DIAPH2: variants seen among roughly 807,000 people sequenced by gnomAD.
DIAPH2 encodes the protein protein diaphanous homolog 2.
Under a neutral mutation model 92.7 loss-of-function variants are expected in DIAPH2, and 35 were observed. That is an observed-to-expected ratio of 0.38 (90% CI 0.29 to 0.50). The LOEUF is 0.50. DIAPH2 is among the 20% of genes least tolerant of loss of function. The pLI, the probability that DIAPH2 is intolerant of heterozygous loss-of-function variation, is 0.94. For synonymous variants in DIAPH2, 301 were observed against 280.4 expected, an observed-to-expected ratio of 1.07 and a Z score of -0.73; for missense variants, 701 against 819.5, an observed-to-expected ratio of 0.86 and a Z score of 1.77.
intron 22 of DIAPH2, among the ~76,000 whole-genome samples, chrX:97,173,967 TAGCAGTTA>T: frequency 1.9e-5 from 2 of 107,084 alleles, no homozygotes; most frequent in Middle Eastern, 9.6e-3. Flanking sequence ...GTATCTAAAG[TAGCAGTTA>T]AGCAGTAGAG....
chrX:97,551,595 T>TAA (rs1213709280), intron 26 of DIAPH2, among the ~76,000 whole-genome samples: 1 of 98,880 alleles, frequency 1.0e-5, no homozygotes, highest in Middle Eastern at 5.1e-3. Flanking sequence ...CTCCGTTTTT[T>TAA]AAAAAAAAAA....
intron 17 of DIAPH2, among the ~76,000 whole-genome samples, chrX:97,025,781 A>G (rs999087268): frequency 8.9e-6 from 1 of 112,870 alleles, no homozygotes; most frequent in East Asian, 2.8e-4. Context: ...ATGTGGTAAT[A>G]TTAATTTTTA....
chrX:97,153,844 C>A (rs1241622454), intron 22 of DIAPH2, among the ~76,000 whole-genome samples: 1 of 110,345 alleles, frequency 9.1e-6, no homozygotes, highest in Non-Finnish European at 1.9e-5. Context: ...TTCCAATATC[C>A]TATTTTGTTA....
intron 4 of DIAPH2, among the ~76,000 whole-genome samples, chrX:96,775,389 G>GTGTGTGTGTGTGTT (rs1484767639): frequency 1.9e-5 from 2 of 103,247 alleles, no homozygotes; most frequent in East Asian, 6.4e-4. Flanking sequence ...GTGTGTGTGT[G>GTGTGTGTGTGTGTT]TGTATACTTC....
At chrX:96,915,114 G>A (rs2065494504) in intron 7 of DIAPH2, among the ~76,000 whole-genome samples, 1 of 110,330 alleles carries the variant, frequency 9.1e-6, no homozygotes, top group East Asian at 2.8e-4. Flanking sequence ...TCTGATGTTT[G>A]GATTAATGAT....
chrX:97,538,916 A>G (rs1049181956), intron 26 of DIAPH2, among the ~76,000 whole-genome samples: 6 of 112,430 alleles, frequency 5.3e-5, no homozygotes, highest in Non-Finnish European at 1.1e-4. Flanking sequence ...AGGATTCTGT[A>G]TCTTAATACT....
chrX:96,888,252 G>A (rs1345942489), intron 5 of DIAPH2, among the ~76,000 whole-genome samples: 1 of 108,460 alleles, frequency 9.2e-6, no homozygotes, highest in African/African-American at 3.4e-5. Flanking sequence ...GTAAAGACGG[G>A]GTTTCGCCAT....
intron 22 of DIAPH2, among the ~76,000 whole-genome samples, chrX:97,225,856 T>G (rs146674065): frequency 0.037 from 4,191 of 111,981 alleles, 193 homozygotes; most frequent in African/African-American, 0.13. Flanking sequence ...CAAAAGAGAA[T>G]CTGATGATGA....
chrX:97,117,323 C>A (rs1411047233), intron 21 of DIAPH2, among the ~76,000 whole-genome samples: 1 of 111,590 alleles, frequency 9.0e-6, no homozygotes, highest in African/African-American at 3.3e-5. Context: ...TAGCTTAGTT[C>A]TGTATTATGT....
chrX:97,138,293 C>A (rs769538610), intron 21 of DIAPH2, among the ~76,000 whole-genome samples: 95 of 111,732 alleles, frequency 8.5e-4, no homozygotes, highest in Non-Finnish European at 1.4e-3. Flanking sequence ...TTGCTATATA[C>A]CTAACTAAAT....
At chrX:96,974,834 G>T (rs1249326899) in intron 17 of DIAPH2, among the ~76,000 whole-genome samples, 1 of 111,245 alleles carries the variant, frequency 9.0e-6, no homozygotes, top group Non-Finnish European at 1.9e-5. Context: ...AATGATGGTT[G>T]ATATTAACTA....
rs189127726 is a variant in DIAPH2, at chrX:97,382,501, G to A, written c.3010-1408G>A. Among the ~76,000 whole-genome samples the A allele has an allele frequency of 5.4e-4, 61 of 112,098 alleles. 1 individual carries two copies. Among genetic ancestry groups the A allele is most frequent in the Non-Finnish European group, 8.1e-4 (43 of 53,226 alleles). ...GCTGCTAAACATCCCACAACGCATA[G>A]GACAGCTCCTACCAAAGAATAATCT... On this transcript the variant is annotated intron_variant, in intron 24 of 26. Transcript: ENST00000324765.
At position 97,202,330 on chromosome X, in the gene DIAPH2, A is replaced by C. The variant is rs2147494998; in HGVS notation, c.2720-45385A>C. ...CAAAACAGTATTAACCTTAAATGTA[A>C]ATGGGCTAAATGCCGCAATTAAAAG... On this transcript the variant is annotated intron_variant, in intron 22 of 26. Transcript: ENST00000324765. Among the ~76,000 whole-genome samples, 2 of 111,640 alleles carry C rather than the reference A, an allele frequency of 1.8e-5. 1 individual carries two copies. Among genetic ancestry groups the C allele is most frequent in the South Asian group, 7.5e-4 (2 of 2,659 alleles).
intron 22 of DIAPH2, 75 bp downstream of exon 22, chrX:97,141,869 A>T (rs746420633): frequency 1.9e-5 from 20 of 1,039,263 alleles, no homozygotes; most frequent in Non-Finnish European, 2.3e-5. Flanking sequence ...GAATCTGTAA[A>T]CATTATTCAT....
intron 21 of DIAPH2, among the ~76,000 whole-genome samples, chrX:97,123,807 C>T (rs752824046): frequency 4.4e-4 from 50 of 112,537 alleles, no homozygotes; most frequent in African/African-American, 1.5e-3. Flanking sequence ...CCTATGAATA[C>T]GCTACTGTGT....
chrX:96,731,006 G>C (rs558701814), intron 1 of DIAPH2, among the ~76,000 whole-genome samples: 298 of 110,813 alleles, frequency 2.7e-3, no homozygotes, highest in Non-Finnish European at 5.1e-3. Flanking sequence ...GCTCAGTGGG[G>C]GAACTTTTTG....
chrX:97,416,282 G>T (rs1236867535), intron 25 of DIAPH2, among the ~76,000 whole-genome samples: 1 of 111,987 alleles, frequency 8.9e-6, no homozygotes, highest in Non-Finnish European at 1.9e-5. Context: ...TGAAGCTTGT[G>T]ACAAGAGACA....
intron 26 of DIAPH2, among the ~76,000 whole-genome samples, chrX:97,467,406 ATTTTTCCTGAGGAATTATACT>A (rs1386394302): frequency 7.2e-5 from 8 of 111,842 alleles, no homozygotes; most frequent in Non-Finnish European, 1.5e-4. Flanking sequence ...TGGTTTCTGC[ATTTTTCCTGAGGAATTATACT>A]TTAAGACCTA....
chrX:96,888,571 A>ATATATATATCTATATATATC (rs77217131), intron 5 of DIAPH2, among the ~76,000 whole-genome samples: 2 of 90,982 alleles, frequency 2.2e-5, no homozygotes, highest in Admixed American at 2.6e-4. Context: ...ATATACACAG[A>ATATATATATCTATATATATC]TATATATATC....
Sources: allele counts gnomAD v4.1 joint callset (sites outside exome capture counted in the v4.1 genomes callset), GRCh38; gene constraint gnomAD v4.1.1; transcripts MANE v1.5; gene names NCBI Gene and HGNC (gene_info 2026-07-23, HGNC 2026-07-21).